The following SETDB2 variants were observed in gnomAD, a reference collection of about 807,000 sequenced individuals.
SETDB2 encodes the protein histone-lysine N-methyltransferase SETDB2.
Under a neutral mutation model 82.5 loss-of-function variants are expected in SETDB2, and 56 were observed. The observed-to-expected ratio is 0.68, with a 90% CI of 0.55 to 0.85. The LOEUF is 0.85. Ranked by LOEUF, SETDB2 falls within the 40% of genes least tolerant of loss-of-function variation. The pLI is 0.00. For missense variants in SETDB2, 677 were observed against 816.4 expected, an observed-to-expected ratio of 0.83 and a Z score of 2.08; for synonymous variants, 272 against 284.9, an observed-to-expected ratio of 0.95 and a Z score of 0.46.
chr13:49,482,365 A>C, intron 8 of SETDB2: 1 of 975,592 alleles, frequency 1.0e-6, no homozygotes, highest in South Asian at 4.7e-5. Context: ...AAAAATTTTA[A>C]GTTTCAGATG....
intron 6 of SETDB2, 107 bp downstream of exon 6, chr13:49,477,146 T>TA: frequency 9.1e-7 from 1 of 1,093,548 alleles, no homozygotes; most frequent in Non-Finnish European, 1.3e-6. Flanking sequence ...GTTCAAGAGT[T>TA]ACAGTAAGAC....
chr13:49,490,805 T>G lies in SETDB2; in HGVS notation c.1918-17T>G. Reference sequence around the variant, plus strand: ...TTTATGCTATTTCTAACCTTTGTGTTTATTTTTATTTAACAGCATAGTTGT... The same window carrying G: ...TTTATGCTATTTCTAACCTTTGTGTGTATTTTTATTTAACAGCATAGTTGT... On this transcript the variant is annotated splice_polypyrimidine_tract_variant and intron_variant, in intron 12 of 13. Coordinates refer to ENST00000611815, the MANE Select transcript of SETDB2 (RefSeq NM_001160308.3). 6.3e-7 allele frequency: 1 copy of G among 1,587,526 alleles called. No homozygotes were observed.
chr13:49,451,843 T>C lies in SETDB2; in HGVS notation c.-51T>C, dbSNP rs139572569. On this transcript the variant is annotated 5_prime_UTR_variant, in exon 2 of 14. Coordinates refer to ENST00000611815, the MANE Select transcript of SETDB2 (RefSeq NM_001160308.3). ...CAGTGATATTCTGCAATCAAAGTGA[T>C]TTGATAAACCTAATTTTGAAGCATT... 1.8e-5 allele frequency: 26 copies of C among 1,475,642 alleles called. No individual in the cohort carries two copies. In the East Asian group the frequency reaches 5.4e-4, roughly 30 times the overall value. The allele number at this position is 1,475,642 out of a possible 1,614,324, so 91.4% of individuals were successfully genotyped here.
chr13:49,480,514 C>A (rs909206718), intron 7 of SETDB2, among the ~76,000 whole-genome samples, 179 bp downstream of exon 7: 3 of 152,100 alleles, frequency 2.0e-5, no homozygotes, highest in African/African-American at 7.2e-5. Context: ...AGTCAGAGAC[C>A]ACACATACAT....
intron 12 of SETDB2, 73 bp from the exon 13 acceptor site, chr13:49,490,749 T>A: frequency 9.3e-7 from 1 of 1,076,148 alleles, no homozygotes; most frequent in Non-Finnish European, 1.4e-6. Context: ...AACAGAATGG[T>A]TTTCTAATGC....
At chr13:49,459,968 A>G (rs964807947) in intron 2 of SETDB2, 139 bp from the exon 3 acceptor site, 8 of 735,158 alleles carry the variant, frequency 1.1e-5, no homozygotes, top group Non-Finnish European at 1.7e-5. Flanking sequence ...TTACTAAAAT[A>G]TTTTCCTCAA....
Position 49,477,019 on chromosome 13 carries a change from C to A in SETDB2, c.849C>A (p.Cys283Ter). ...GCATGTTTACTGATTCCTGTGACTGCTCTGAGGGCTGCATAGACATGTGAG... is the reference window on the plus strand; with the variant it reads ...GCATGTTTACTGATTCCTGTGACTGATCTGAGGGCTGCATAGACATGTGAG... Reference protein sequence around the residue: ...FSSMFTDSCDCSEGCIDITKC... With the variant: ...FSSMFTDSCD Residue 283 changes from cysteine to a stop codon, truncating the protein, a stop_gained, in exon 6 of 14, where the codon TGC becomes TGA. Coordinates refer to ENST00000611815, the MANE Select transcript of SETDB2 (RefSeq NM_001160308.3). LOFTEE classifies it high-confidence loss of function. 6.2e-7 allele frequency: 1 copy of A among 1,602,092 alleles called. No homozygotes were observed. The highest frequency in any genetic ancestry group is 8.5e-7 in the Non-Finnish European group (1 of 1,176,942).
intron 11 of SETDB2, among the ~76,000 whole-genome samples, chr13:49,486,490 T>C (rs1455819483): frequency 6.6e-6 from 1 of 152,176 alleles, no homozygotes; most frequent in Non-Finnish European, 1.5e-5. Context: ...TAATTGCCAG[T>C]AGTGACTTGA....
At chr13:49,457,498 A>G (rs1957910851) in intron 2 of SETDB2, among the ~76,000 whole-genome samples, 1 of 149,612 alleles carries the variant, frequency 6.7e-6, no homozygotes, top group Non-Finnish European at 1.5e-5. Context: ...CAGTGGCGCA[A>G]TCTCAACCCA....
chr13:49,468,058 T>A (rs991438372), intron 5 of SETDB2, 98 bp downstream of exon 5: 54 of 764,116 alleles, frequency 7.1e-5, no homozygotes, highest in African/African-American at 1.3e-4. Context: ...TACAAAAAAA[T>A]TTTTCCCATT....
chr13:49,451,835 C>G lies in SETDB2; in HGVS notation c.-59C>G. ...TTGGATTCCAGTGATATTCTGCAAT[C>G]AAAGTGATTTGATAAACCTAATTTT... On this transcript the variant is annotated 5_prime_UTR_variant, in exon 2 of 14. It adds an upstream start codon to the 5' untranslated region. Coordinates refer to ENST00000611815, the MANE Select transcript of SETDB2 (RefSeq NM_001160308.3). The G allele has an allele frequency of 7.2e-7, 1 of 1,395,734 alleles. No individual in the cohort carries two copies. Among genetic ancestry groups the G allele is most frequent in the Non-Finnish European group, 1.0e-6 (1 of 1,000,534 alleles). 86.5% of individuals were successfully genotyped at this position (1,395,734 alleles called of 1,614,324 possible).
At position 49,467,935 on chromosome 13, in the gene SETDB2, T is replaced by C. The variant is rs755390616; in HGVS notation, c.280T>C (p.Ser94Pro). 6.2e-7 allele frequency: 1 copy of C among 1,609,454 alleles called. No individual in the cohort carries two copies. Among genetic ancestry groups the C allele is most frequent in the Non-Finnish European group, 8.5e-7 (1 of 1,178,138 alleles). The change falls in exon 5 of 14, where the codon TCC becomes CCC. Residue 94 changes from serine (S) to proline (P), a missense_variant. Ser to Pro is a moderately conservative substitution (Grantham distance 74). Coordinates refer to ENST00000611815, the MANE Select transcript of SETDB2 (RefSeq NM_001160308.3). ...ATTTCCCTCTACATCATGTGAAAAC[T>C]CCTTTCCAGAAGACTGTACATTTCT... ...NAFPSTSCEN[S>P]FPEDCTFLTT...
At chr13:49,463,189 T>C (rs1958031741) in intron 4 of SETDB2, among the ~76,000 whole-genome samples, 1 of 151,768 alleles carries the variant, frequency 6.6e-6, no homozygotes, top group African/African-American at 2.4e-5. Flanking sequence ...TTTTTGTATT[T>C]TAGTAGAGAG....
chr13:49,474,822 C>T (rs9568218), intron 5 of SETDB2, among the ~76,000 whole-genome samples: 1 of 152,212 alleles, frequency 6.6e-6, no homozygotes, highest in Non-Finnish European at 1.5e-5. Context: ...CTGTTTAAAT[C>T]TGAATTAATC....
intron 2 of SETDB2, among the ~76,000 whole-genome samples, chr13:49,456,120 T>G (rs1957876890): frequency 6.6e-6 from 1 of 152,130 alleles, no homozygotes; most frequent in South Asian, 2.1e-4. Context: ...CTGAAATGAT[T>G]TGGGGAGTCC....
At chr13:49,486,973 A>G (rs1321096216) in intron 11 of SETDB2, among the ~76,000 whole-genome samples, 7 of 152,002 alleles carry the variant, frequency 4.6e-5, no homozygotes, top group Admixed American at 2.6e-4. Flanking sequence ...AAAAAAGGGG[A>G]TTTTGTGTAT....
intron 5 of SETDB2, among the ~76,000 whole-genome samples, chr13:49,474,785 A>G (rs1005189312): frequency 1.3e-5 from 2 of 152,256 alleles, no homozygotes; most frequent in Non-Finnish European, 2.9e-5. Context: ...CTGCACATCC[A>G]GTATGGTAGC....
intron 11 of SETDB2, among the ~76,000 whole-genome samples, chr13:49,487,986 A>G (rs1203542655): frequency 2.0e-5 from 3 of 152,216 alleles, no homozygotes; most frequent in Admixed American, 2.0e-4. Context: ...AGTAGAGATT[A>G]AATATAATAA....
chr13:49,468,209 C>T (rs1958155113), intron 5 of SETDB2, among the ~76,000 whole-genome samples: 1 of 152,040 alleles, frequency 6.6e-6, no homozygotes, highest in African/African-American at 2.4e-5. Context: ...TTTATTAATA[C>T]ACTGAAATCT....
Sources: allele counts gnomAD v4.1 joint callset (sites outside exome capture counted in the v4.1 genomes callset), GRCh38; gene constraint gnomAD v4.1.1; transcripts MANE v1.5; gene names NCBI Gene and HGNC (gene_info 2026-07-23, HGNC 2026-07-21).